Variants in SLC24A3 observed in about 807,000 individuals in gnomAD.
SLC24A3 encodes solute carrier family 24 member 3.
SLC24A3 carries 28 observed loss-of-function variants against 75.8 expected under a neutral mutation model. The observed-to-expected ratio is 0.37, with a 90% CI of 0.27 to 0.51. The LOEUF is 0.51. SLC24A3 is among the 20% of genes least tolerant of loss of function. The pLI is 0.94. For missense variants in SLC24A3, 663 were observed against 847.8 expected (o/e 0.78, Z 2.71); for synonymous variants, 372 against 334.1 (o/e 1.11, Z -1.24).
At chr20:19,269,226 A>G (rs1205618075) in intron 1 of SLC24A3, among the ~76,000 whole-genome samples, 3 of 152,254 alleles carry the variant, frequency 2.0e-5, no homozygotes, top group Admixed American at 6.5e-5. Context: ...AATATGGGAC[A>G]TTCCCATCAC....
chr20:19,664,346 C>A lies in SLC24A3; in HGVS notation c.688-1518C>A, dbSNP rs568294592. Among the ~76,000 whole-genome samples, 8 of 152,212 alleles carry A rather than the reference C, an allele frequency of 5.3e-5. No individual in the cohort carries two copies. In the South Asian group the frequency reaches 1.7e-3, roughly 32 times the overall value. On this transcript the variant is annotated intron_variant, in intron 7 of 16. Transcript: ENST00000328041. ...GATTGTTGCCTTTATTTCTTTAATT[C>A]TCTGCCCATTCTAGTTTGACATTGT...
chr20:19,456,708 T>C (rs1435235412), intron 2 of SLC24A3, among the ~76,000 whole-genome samples: 1 of 152,172 alleles, frequency 6.6e-6, no homozygotes, highest in Non-Finnish European at 1.5e-5. Flanking sequence ...GGCTCAGACA[T>C]CCACTGTCAA....
intron 1 of SLC24A3, among the ~76,000 whole-genome samples, chr20:19,220,480 A>C (rs1981675764): frequency 6.6e-6 from 1 of 152,254 alleles, no homozygotes; most frequent in African/African-American, 2.4e-5. Context: ...CCTTGACAAT[A>C]GAACAAAAGG....
At chr20:19,246,921 T>G (rs1568567732) in intron 1 of SLC24A3, among the ~76,000 whole-genome samples, 2 of 152,182 alleles carry the variant, frequency 1.3e-5, no homozygotes, top group African/African-American at 4.8e-5. Context: ...AATTATCAAT[T>G]AAGAAATAAT....
intron 3 of SLC24A3, among the ~76,000 whole-genome samples, chr20:19,543,622 C>A (rs919157400): frequency 2.0e-5 from 3 of 152,114 alleles, no homozygotes; most frequent in Admixed American, 6.5e-5. Flanking sequence ...GAGGTCCACT[C>A]CCACCGGGTG....
At position 19,468,303 on chromosome 20, in the gene SLC24A3, G is replaced by T. The variant is rs544598048; in HGVS notation, c.272-47185G>T. ...TATTTGTTTGCTGATGGAAATGATG[G>T]AGTAGAAAGGGAGATGTTAATGTGG... On this transcript the variant is annotated intron_variant, in intron 2 of 16. Coordinates refer to ENST00000328041, the MANE Select transcript of SLC24A3 (RefSeq NM_020689.4). Among the ~76,000 whole-genome samples the T allele has an allele frequency of 2.6e-5, 4 of 152,200 alleles. No homozygotes were observed. The South Asian group carries it at 8.3e-4, about 32-fold the overall frequency.
At chr20:19,416,855 TG>T (rs1459280938) in intron 2 of SLC24A3, among the ~76,000 whole-genome samples, 1 of 152,104 alleles carries the variant, frequency 6.6e-6, no homozygotes, top group Admixed American at 6.5e-5. Context: ...TTCCTGTCTA[TG>T]GGGGAGACAT....
At chr20:19,294,691 T>C (rs1234860114) in intron 2 of SLC24A3, among the ~76,000 whole-genome samples, 1 of 152,244 alleles carries the variant, frequency 6.6e-6, no homozygotes, top group African/African-American at 2.4e-5. Context: ...TGTCATTGAT[T>C]GGCATTTGGA....
intron 2 of SLC24A3, among the ~76,000 whole-genome samples, chr20:19,503,629 A>AGGAGGGGGCC (rs1988419017): frequency 6.6e-6 from 1 of 152,236 alleles, no homozygotes; most frequent in South Asian, 2.1e-4. Flanking sequence ...TTTCCCCTTA[A>AGGAGGGGGCC]GGAGGGGGCC....
intron 2 of SLC24A3, among the ~76,000 whole-genome samples, chr20:19,454,542 ACT>A (rs1334669482): frequency 6.6e-6 from 1 of 151,960 alleles, no homozygotes; most frequent in Admixed American, 6.6e-5. Flanking sequence ...GCTTGGGGGG[ACT>A]CTCTATAATG....
intron 2 of SLC24A3, among the ~76,000 whole-genome samples, chr20:19,456,931 T>C (rs548058685): frequency 5.2e-4 from 79 of 152,234 alleles, no homozygotes; most frequent in Non-Finnish European, 9.8e-4. Context: ...TACTGTGACT[T>C]TGTCCAGAAT....
intron 2 of SLC24A3, among the ~76,000 whole-genome samples, chr20:19,464,835 G>A (rs558339175): frequency 6.6e-6 from 1 of 152,306 alleles, no homozygotes; most frequent in African/African-American, 2.4e-5. Flanking sequence ...GTACGATCAT[G>A]GGTATACTTT....
chr20:19,604,650 A>G (rs75717996), intron 6 of SLC24A3, among the ~76,000 whole-genome samples: 181 of 152,300 alleles, frequency 1.2e-3, no homozygotes, highest in African/African-American at 3.8e-3. Context: ...GTGGTTCTAA[A>G]CTAGCTTATT....
intron 6 of SLC24A3, among the ~76,000 whole-genome samples, chr20:19,633,620 G>A: frequency 7.8e-6 from 1 of 128,526 alleles, no homozygotes; most frequent in Non-Finnish European, 1.6e-5. Flanking sequence ...CTGCACTCCA[G>A]CCTGGGCGAC....
intron 6 of SLC24A3, among the ~76,000 whole-genome samples, chr20:19,650,610 A>G (rs1335393788): frequency 2.6e-5 from 4 of 152,176 alleles, no homozygotes; most frequent in Non-Finnish European, 5.9e-5. Context: ...TTCACAGTAT[A>G]GAAGAGGAGG....
At chr20:19,544,358 C>T (rs188657841) in intron 3 of SLC24A3, among the ~76,000 whole-genome samples, 1 of 152,324 alleles carries the variant, frequency 6.6e-6, no homozygotes, top group South Asian at 2.1e-4. Flanking sequence ...ATGAAAGATA[C>T]ACCCTTTTCA....
chr20:19,700,137 G>T (rs1453854301), intron 15 of SLC24A3, among the ~76,000 whole-genome samples: 1 of 152,128 alleles, frequency 6.6e-6, no homozygotes, highest in Non-Finnish European at 1.5e-5. Flanking sequence ...TCAAATTATG[G>T]TTTTATTTTT....
chr20:19,404,696 A>C (rs982957200), intron 2 of SLC24A3, among the ~76,000 whole-genome samples: 3 of 152,176 alleles, frequency 2.0e-5, no homozygotes, highest in African/African-American at 7.2e-5. Context: ...TCCTGTGGGG[A>C]AGTCATGTGT....
chr20:19,290,052 CCAG>C (rs945220031), intron 2 of SLC24A3, among the ~76,000 whole-genome samples: 3 of 152,172 alleles, frequency 2.0e-5, no homozygotes, highest in African/African-American at 7.2e-5. Context: ...ACCACCACCA[CCAG>C]CAGCAGCAGC....
Sources: allele counts gnomAD v4.1 joint callset (sites outside exome capture counted in the v4.1 genomes callset), GRCh38; gene constraint gnomAD v4.1.1; transcripts MANE v1.5; gene names NCBI Gene and HGNC (gene_info 2026-07-23, HGNC 2026-07-21).